The following ADCY2 variants were observed in gnomAD, a reference collection of about 807,000 sequenced individuals.
ADCY2 encodes adenylate cyclase type 2.
Under a neutral mutation model 125.2 loss-of-function variants are expected in ADCY2, and 31 were observed. The observed-to-expected ratio is 0.25, with a 90% CI of 0.19 to 0.33. The LOEUF is 0.33. Among genes scored for constraint, ADCY2 ranks in the 10% least tolerant of loss-of-function variants. ADCY2 has a pLI of 1.00. For synonymous variants in ADCY2, 512 were observed against 548.4 expected, an observed-to-expected ratio of 0.93 and a Z score of 0.93; for missense variants, 904 against 1,418.2, an observed-to-expected ratio of 0.64 and a Z score of 5.82.
chr5:7,501,910 C>T (rs559899056), intron 2 of ADCY2, among the ~76,000 whole-genome samples: 1 of 152,224 alleles, frequency 6.6e-6, no homozygotes, highest in African/African-American at 2.4e-5. Context: ...CCGGGCATCA[C>T]ACTAAATGGT....
At chr5:7,520,586 A>G (rs974092339) in intron 2 of ADCY2, 152 bp from the exon 3 acceptor site, 17 of 808,436 alleles carry the variant, frequency 2.1e-5, no homozygotes, top group African/African-American at 6.9e-5. Flanking sequence ...CAGTGGACTT[A>G]TTTGCATCGA....
chr5:7,668,375 T>C (rs1311941976), intron 4 of ADCY2, among the ~76,000 whole-genome samples: 1 of 152,206 alleles, frequency 6.6e-6, no homozygotes, highest in East Asian at 1.9e-4. Flanking sequence ...TGTGGAATCT[T>C]AACTTGCCAG....
intron 4 of ADCY2, among the ~76,000 whole-genome samples, chr5:7,675,867 G>C (rs1240730051): frequency 6.6e-6 from 1 of 152,140 alleles, no homozygotes; most frequent in African/African-American, 2.4e-5. Flanking sequence ...GAGTTTACTA[G>C]GTAATTGATA....
chr5:7,459,194 T>G (rs1236264971), intron 2 of ADCY2, among the ~76,000 whole-genome samples: 1 of 152,200 alleles, frequency 6.6e-6, no homozygotes, highest in African/African-American at 2.4e-5. Context: ...CAAGCAAATT[T>G]AAGCCACTGT....
chr5:7,686,554 G>T (rs928661397), intron 4 of ADCY2, among the ~76,000 whole-genome samples: 8 of 152,166 alleles, frequency 5.3e-5, no homozygotes, highest in African/African-American at 1.9e-4. Context: ...ACTAGAAAGA[G>T]AAAGAAGTAA....
At chr5:7,633,263 T>C (rs901215492) in intron 4 of ADCY2, among the ~76,000 whole-genome samples, 2 of 151,954 alleles carry the variant, frequency 1.3e-5, no homozygotes, top group Admixed American at 1.3e-4. Context: ...AAACCCTGTC[T>C]CTACTAAAAA....
chr5:7,804,069 A>AGAGAGAGAGAGAGAGAGAGAGAGC (rs1553990875), intron 21 of ADCY2, among the ~76,000 whole-genome samples: 11 of 140,492 alleles, frequency 7.8e-5, no homozygotes, highest in African/African-American at 2.4e-4. Flanking sequence ...AGAGAGAGAG[A>AGAGAGAGAGAGAGAGAGAGAGAGC]GAGAGCTGGT....
chr5:7,426,674 T>G (rs1018015859), intron 2 of ADCY2, among the ~76,000 whole-genome samples: 1 of 152,168 alleles, frequency 6.6e-6, no homozygotes, highest in Non-Finnish European at 1.5e-5. Flanking sequence ...TGTAATCATT[T>G]CCGGATCTTA....
chr5:7,720,694 G>A (rs1261358129), intron 12 of ADCY2, among the ~76,000 whole-genome samples: 1 of 152,044 alleles, frequency 6.6e-6, no homozygotes, highest in African/African-American at 2.4e-5. Context: ...ATGATTTCCA[G>A]CTTCATCCAT....
intron 3 of ADCY2, among the ~76,000 whole-genome samples, chr5:7,625,832 C>CA (rs756629420): frequency 7.9e-5 from 12 of 152,126 alleles, no homozygotes; most frequent in Non-Finnish European, 1.6e-4. Context: ...ACCTGAAAAA[C>CA]AAAAGGTCTC....
intron 3 of ADCY2, among the ~76,000 whole-genome samples, chr5:7,524,220 T>C (rs1734367518): frequency 6.6e-6 from 1 of 152,224 alleles, no homozygotes; most frequent in South Asian, 2.1e-4. Flanking sequence ...CTAATATATT[T>C]TGTAACTTTT....
intron 2 of ADCY2, among the ~76,000 whole-genome samples, chr5:7,436,695 A>C (rs192260365): frequency 2.6e-5 from 4 of 152,362 alleles, no homozygotes; most frequent in Admixed American, 2.6e-4. Context: ...AATTGCCTGC[A>C]GGTGGCGGAT....
At chr5:7,411,711 T>C (rs906550882) in intron 1 of ADCY2, among the ~76,000 whole-genome samples, 2 of 152,066 alleles carry the variant, frequency 1.3e-5, no homozygotes, top group East Asian at 1.9e-4. Flanking sequence ...AAAATCAAAA[T>C]CAAGTCTTAC....
intron 15 of ADCY2, among the ~76,000 whole-genome samples, chr5:7,754,126 C>T (rs571140352): frequency 6.6e-6 from 1 of 152,286 alleles, no homozygotes; most frequent in Admixed American, 6.5e-5. Flanking sequence ...GCCGATTCGT[C>T]ATTTTGCCTG....
chr5:7,405,564 A>G (rs1381308965), intron 1 of ADCY2, among the ~76,000 whole-genome samples: 1 of 152,076 alleles, frequency 6.6e-6, no homozygotes, highest in Non-Finnish European at 1.5e-5. Context: ...CTTTGCATGG[A>G]GTTCAGGAGC....
chr5:7,794,242 T>C (rs1480409753), intron 20 of ADCY2: 1 of 152,148 alleles, frequency 6.6e-6, no homozygotes, highest in African/African-American at 2.4e-5. Flanking sequence ...GGCTGTAACA[T>C]TTCAAATGTT....
chr5:7,512,217 T>TAAAAAAA (rs1398702717), intron 2 of ADCY2, among the ~76,000 whole-genome samples: 2 of 8,706 alleles, frequency 2.3e-4, no homozygotes, highest in South Asian at 3.9e-3. Context: ...CATGACTCCA[T>TAAAAAAA]CAAAAAAAAA....
chr5:7,756,756 C>T lies in ADCY2; in HGVS notation c.1957-693C>T, dbSNP rs752068784. Among the ~76,000 whole-genome samples the T allele has an allele frequency of 2.0e-5, 3 of 152,242 alleles. No individual in the cohort carries two copies. The South Asian group carries it at 6.2e-4, about 32-fold the overall frequency. On this transcript the variant is annotated intron_variant, in intron 15 of 24. Coordinates refer to ENST00000338316, the MANE Select transcript of ADCY2 (RefSeq NM_020546.3). ...GACTGAAAATCCTAGAGATGTTACACAACAATGTGAATGTGGTTGTCACTA... is the reference window on the plus strand; with the variant it reads ...GACTGAAAATCCTAGAGATGTTACATAACAATGTGAATGTGGTTGTCACTA...
At chr5:7,504,617 CTT>C (rs563915228) in intron 2 of ADCY2, among the ~76,000 whole-genome samples, 20 of 137,984 alleles carry the variant, frequency 1.4e-4, no homozygotes, top group East Asian at 2.1e-4. Flanking sequence ...TTTTTTCTTT[CTT>C]TTTTTTTTTT....
Sources: gnomAD v4.1 joint callset for allele counts (sites outside exome capture counted in the v4.1 genomes callset) on GRCh38, gnomAD v4.1.1 for gene constraint, MANE v1.5 for transcripts, NCBI Gene and HGNC (gene_info 2026-07-23, HGNC 2026-07-21) for gene names.